Variants in PBK observed in about 807,000 individuals in gnomAD.
PBK encodes the protein lymphokine-activated killer T-cell-originated protein kinase.
PBK carries 22 observed loss-of-function variants against 33.5 expected under a neutral mutation model. That is an observed-to-expected ratio of 0.66 (90% confidence interval 0.47 to 0.94). The LOEUF (loss-of-function observed/expected upper bound fraction) is 0.94. PBK is among the 40% of genes least tolerant of loss of function. The probability of loss-of-function intolerance (pLI) is 0.00; values close to 1 mark genes in which losing one functional copy is unlikely to be tolerated. For missense variants in PBK, 376 were observed against 383.4 expected (o/e 0.98, Z 0.16); for synonymous variants, 129 against 123.8 (o/e 1.04, Z -0.28).
At chr8:27,820,751 G>T in intron 5 of PBK, 57 bp from the exon 6 acceptor site, 1 of 924,190 alleles carries the variant, frequency 1.1e-6, no homozygotes, top group Non-Finnish European at 1.6e-6. Flanking sequence ...ATAAAAAAAT[G>T]TGATAACCTC....
chr8:27,823,171 C>G lies in PBK; in HGVS notation c.187G>C (p.Val63Leu). 6.4e-7 allele frequency: 1 copy of G among 1,555,616 alleles called. No homozygotes were observed. The highest frequency in any genetic ancestry group is 2.3e-5 in the East Asian group (1 of 43,962). ...TTACATATAGGATTAATCTTTTTTA[C>G]AGCCCAAGGAGAATGAGACAAACCT... ...PRGLSHSPWA[V>L]KKINPICNDH... Residue 63 changes from valine to leucine, a missense_variant, in exon 4 of 8, where the codon GTA (valine) becomes CTA (leucine). Val to Leu is a conservative substitution (Grantham distance 32). Transcript: ENST00000301905.
chr8:27,813,187 A>G (rs989514336), intron 6 of PBK, among the ~76,000 whole-genome samples: 12 of 152,232 alleles, frequency 7.9e-5, no homozygotes, highest in African/African-American at 2.9e-4. Context: ...ATGCAGCTGG[A>G]AACCATCATT....
chr8:27,833,994 A>AGCCAGAC (rs753044715), intron 1 of PBK, among the ~76,000 whole-genome samples: 1 of 152,078 alleles, frequency 6.6e-6, no homozygotes, highest in Non-Finnish European at 1.5e-5. Context: ...AAATGAAAGA[A>AGCCAGAC]GCCAGACACA....
At position 27,810,023 on chromosome 8, in the gene PBK, C is replaced by A; in HGVS notation, c.*282G>T. ...GTAATGGTCATTCAATTTAATGTTA[C>A]AGTTTACAGCGTTTTACTGCTAGTG... On this transcript the variant is annotated 3_prime_UTR_variant, in exon 8 of 8. Transcript: ENST00000301905. The A allele has an allele frequency of 2.9e-6, 1 of 343,740 alleles. No homozygotes were observed. The highest frequency in any genetic ancestry group is 4.3e-5 in the South Asian group (1 of 23,206). 21.3% of individuals were successfully genotyped at this position (343,740 alleles called of 1,614,324 possible). A position where few individuals can be genotyped will look rare whatever the true frequency, so the allele number is the denominator to read the frequency against.
intron 3 of PBK, among the ~76,000 whole-genome samples, chr8:27,824,313 TC>T (rs1324963345): frequency 4.6e-5 from 7 of 152,140 alleles, no homozygotes; most frequent in Admixed American, 4.6e-4. Flanking sequence ...CTTCACCTTT[TC>T]CATAACATAT....
chr8:27,825,669 T>C (rs1290482291), intron 3 of PBK, among the ~76,000 whole-genome samples: 1 of 152,170 alleles, frequency 6.6e-6, no homozygotes, highest in Non-Finnish European at 1.5e-5. Flanking sequence ...TTTTTACATG[T>C]GCATATACCT....
At chr8:27,813,649 A>G (rs376315872) in intron 6 of PBK, among the ~76,000 whole-genome samples, 8 of 152,066 alleles carry the variant, frequency 5.3e-5, no homozygotes, top group African/African-American at 1.9e-4. Flanking sequence ...GAGAATACTC[A>G]AGATCTACTC....
chr8:27,811,228 G>A, intron 6 of PBK, 94 bp from the exon 7 acceptor site: 1 of 1,020,912 alleles, frequency 9.8e-7, no homozygotes, highest in Non-Finnish European at 1.5e-6. Context: ...TGAACAAGTA[G>A]TTCACAGGTT....
intron 2 of PBK, among the ~76,000 whole-genome samples, chr8:27,830,205 G>GAA (rs35191143): frequency 0.025 from 2,277 of 92,912 alleles, 92 homozygotes; most frequent in East Asian, 0.1. Flanking sequence ...TCTGTCTCAA[G>GAA]AAAAAAAAAA....
At chr8:27,827,420 G>A (rs572994256) in intron 3 of PBK, among the ~76,000 whole-genome samples, 122 of 152,244 alleles carry the variant, frequency 8.0e-4, no homozygotes, top group African/African-American at 2.7e-3. Flanking sequence ...GATGGTACAC[G>A]CCTGTAATCC....
intron 6 of PBK, chr8:27,812,624 G>GAAAAAA (rs34477454): frequency 8.0e-6 from 1 of 124,632 alleles, no homozygotes; most frequent in Non-Finnish European, 1.7e-5. Flanking sequence ...AAATTTACAA[G>GAAAAAA]AAAAAAAAAA....
chr8:27,828,497 G>T (rs540445968), intron 2 of PBK, among the ~76,000 whole-genome samples: 1 of 152,070 alleles, frequency 6.6e-6, no homozygotes, highest in Non-Finnish European at 1.5e-5. Context: ...GGATGTGGTG[G>T]CTCATGCCTA....
intron 1 of PBK, among the ~76,000 whole-genome samples, chr8:27,836,403 T>TG (rs1321808290): frequency 2.0e-5 from 3 of 151,578 alleles, no homozygotes; most frequent in African/African-American, 7.3e-5. Flanking sequence ...AGAAAGCTGT[T>TG]GGAGAGTTTT....
chr8:27,819,764 T>G (rs1471443139), intron 6 of PBK, among the ~76,000 whole-genome samples: 1 of 152,172 alleles, frequency 6.6e-6, no homozygotes, highest in African/African-American at 2.4e-5. Flanking sequence ...TTATTATGTT[T>G]GACAATTTAT....
intron 3 of PBK, among the ~76,000 whole-genome samples, chr8:27,827,253 A>T (rs751309891): frequency 1.2e-4 from 19 of 152,356 alleles, no homozygotes; most frequent in Non-Finnish European, 1.8e-4. Flanking sequence ...AATGATTAAA[A>T]GAAGTAATTT....
chr8:27,818,597 CTT>C (rs1789668086), intron 6 of PBK, among the ~76,000 whole-genome samples: 1 of 152,094 alleles, frequency 6.6e-6, no homozygotes, highest in African/African-American at 2.4e-5. Flanking sequence ...TCAACAGTCT[CTT>C]CATAATAGAG....
chr8:27,827,032 A>G (rs546580626), intron 3 of PBK, among the ~76,000 whole-genome samples: 2 of 152,304 alleles, frequency 1.3e-5, no homozygotes, highest in African/African-American at 4.8e-5. Context: ...AACTGCAAAA[A>G]TGCTTCAGGA....
chr8:27,819,999 T>C lies in PBK; in HGVS notation c.595+566A>G, dbSNP rs6997610. ...ACCATTTGTTTAACTTCTGTTGATATAAAGAGACAAATTTAAGTATTATTT... is the reference window on the plus strand; with the variant it reads ...ACCATTTGTTTAACTTCTGTTGATACAAAGAGACAAATTTAAGTATTATTT... On this transcript the variant is annotated intron_variant, in intron 6 of 7. Transcript: ENST00000301905. 9.5e-3 allele frequency among the ~76,000 whole-genome samples: 1,444 copies of C among 152,250 alleles called. 26 individuals carry two copies. The highest frequency in any genetic ancestry group is 0.032 in the African/African-American group (1,348 of 41,538).
intron 1 of PBK, among the ~76,000 whole-genome samples, chr8:27,834,029 T>G (rs10092664): frequency 1.2e-4 from 11 of 94,610 alleles, no homozygotes; most frequent in South Asian, 7.3e-4. Context: ...ATGATGATCC[T>G]TTTTTTTTTT....
Sources: allele counts gnomAD v4.1 joint callset (sites outside exome capture counted in the v4.1 genomes callset), GRCh38; gene constraint gnomAD v4.1.1; transcripts MANE v1.5; gene names NCBI Gene and HGNC (gene_info 2026-07-23, HGNC 2026-07-21).